Variants in UNC13C observed in about 807,000 individuals in gnomAD.
UNC13C encodes the protein protein unc-13 homolog C.
In UNC13C, 174 loss-of-function variants were observed where a neutral mutation model predicts 245.4. That is an observed-to-expected ratio of 0.71 (90% confidence interval 0.63 to 0.80). The LOEUF is 0.80. Ranked by LOEUF, UNC13C falls within the 30% of genes least tolerant of loss-of-function variation. UNC13C has a pLI of 0.00. For missense variants in UNC13C, 2,829 were observed against 2,602.9 expected, an observed-to-expected ratio of 1.09 and a Z score of -1.89; for synonymous variants, 992 against 895.1, an observed-to-expected ratio of 1.11 and a Z score of -1.93.
At chr15:54,454,620 A>G (rs944111599) in intron 19 of UNC13C, among the ~76,000 whole-genome samples, 1 of 150,946 alleles carries the variant, frequency 6.6e-6, no homozygotes, top group Non-Finnish European at 1.5e-5. Flanking sequence ...CAAGCCCCTG[A>G]TATCTTCTAT....
At chr15:53,923,960 A>C in the UNC13C span, among the ~76,000 whole-genome samples, 4 of 152,188 alleles carry the variant, frequency 2.6e-5, no homozygotes, top group African/African-American at 9.7e-5. Context: ...TAATCCCAGC[A>C]CTTTGGGAGG....
intron 4 of UNC13C, among the ~76,000 whole-genome samples, chr15:54,144,009 G>A (rs2032144883): frequency 6.6e-6 from 1 of 151,942 alleles, no homozygotes. Context: ...TACAATTAAT[G>A]CTCTCTTTCA....
intron 17 of UNC13C, among the ~76,000 whole-genome samples, chr15:54,352,302 AATT>A (rs2039000415): frequency 6.9e-6 from 1 of 145,412 alleles, no homozygotes; most frequent in Admixed American, 7.0e-5. Flanking sequence ...ATATTTATAT[AATT>A]AATATATATT....
chr15:54,450,425 C>T lies in UNC13C; in HGVS notation c.4933+35358C>T, dbSNP rs566730708. 1.6e-3 allele frequency among the ~76,000 whole-genome samples: 243 copies of T among 152,348 alleles called. 1 individual carries two copies. The highest frequency in any genetic ancestry group is 5.6e-3 in the African/African-American group (235 of 41,596). On this transcript the variant is annotated intron_variant, in intron 19 of 32. Coordinates refer to ENST00000260323, the MANE Select transcript of UNC13C (RefSeq NM_001080534.3). ...GAGCTGTGGTGGGCTCCACCCAGTTCCAGCTTCCTGGCTGCTTTGTTTACC... is the reference window on the plus strand; with the variant it reads ...GAGCTGTGGTGGGCTCCACCCAGTTTCAGCTTCCTGGCTGCTTTGTTTACC...
intron 2 of UNC13C, among the ~76,000 whole-genome samples, chr15:54,066,240 C>T (rs1898070293): frequency 1.3e-5 from 2 of 152,168 alleles, no homozygotes; most frequent in African/African-American, 4.8e-5. Flanking sequence ...ATAGCTAATG[C>T]TTTTCCTGTC....
chr15:54,132,979 A>G (rs2031520434), intron 2 of UNC13C, among the ~76,000 whole-genome samples: 1 of 152,210 alleles, frequency 6.6e-6, no homozygotes, highest in Non-Finnish European at 1.5e-5. Flanking sequence ...GAGGGAGAAA[A>G]TACAACATTT....
chr15:54,331,866 A>G (rs2038445178), intron 14 of UNC13C, among the ~76,000 whole-genome samples, 177 bp from the exon 15 acceptor site: 1 of 152,106 alleles, frequency 6.6e-6, no homozygotes, highest in Admixed American at 6.6e-5. Flanking sequence ...ATTTGGTGTC[A>G]AAGAGACCTG....
chr15:54,223,408 A>G (rs1265482846), intron 4 of UNC13C, among the ~76,000 whole-genome samples: 4 of 151,864 alleles, frequency 2.6e-5, no homozygotes, highest in African/African-American at 7.2e-5. Flanking sequence ...CTGTTGATAT[A>G]TGGATTTGTT....
At chr15:54,091,074 AG>A (rs1899546297) in intron 2 of UNC13C, among the ~76,000 whole-genome samples, 1 of 87,206 alleles carries the variant, frequency 1.1e-5, no homozygotes, top group Non-Finnish European at 2.3e-5. Flanking sequence ...GGGTGGGGGG[AG>A]GGGGGTTGCC....
chr15:54,263,131 A>G (rs2036468391), intron 8 of UNC13C, among the ~76,000 whole-genome samples: 1 of 152,206 alleles, frequency 6.6e-6, no homozygotes, highest in African/African-American at 2.4e-5. Flanking sequence ...AATACAAATT[A>G]GGCAAACTTA....
chr15:54,112,730 A>T (rs990553083), intron 2 of UNC13C, among the ~76,000 whole-genome samples: 2 of 152,212 alleles, frequency 1.3e-5, no homozygotes, highest in Non-Finnish European at 2.9e-5. Context: ...GGGAAACCTT[A>T]CTGAGGACTT....
At chr15:53,958,440 A>G in the UNC13C span, among the ~76,000 whole-genome samples, 2 of 152,122 alleles carry the variant, frequency 1.3e-5, no homozygotes, top group Non-Finnish European at 2.9e-5. Flanking sequence ...GGTCTTGAAG[A>G]CTTTGTGCTG....
intron 2 of UNC13C, among the ~76,000 whole-genome samples, chr15:54,042,607 A>T (rs544395396): frequency 6.6e-6 from 1 of 152,088 alleles, no homozygotes; most frequent in Non-Finnish European, 1.5e-5. Flanking sequence ...TAATCCCAGC[A>T]CTTTGGGAGG....
intron 2 of UNC13C, among the ~76,000 whole-genome samples, chr15:54,060,522 A>G (rs1333475066): frequency 6.6e-6 from 1 of 152,228 alleles, no homozygotes; most frequent in Non-Finnish European, 1.5e-5. Context: ...TGTTGGTGGG[A>G]CTGTAAACTA....
chr15:53,900,814 C>A, the UNC13C span, among the ~76,000 whole-genome samples: 1 of 152,154 alleles, frequency 6.6e-6, no homozygotes, highest in Non-Finnish European at 1.5e-5. Flanking sequence ...GCAATACTGA[C>A]TCATAAAATG....
chr15:53,961,274 G>T, the UNC13C span, among the ~76,000 whole-genome samples: 2 of 152,250 alleles, frequency 1.3e-5, no homozygotes, highest in African/African-American at 4.8e-5. Context: ...GAGCCTTGGT[G>T]CTCTTATTCC....
At chr15:54,280,271 A>T (rs931601050) in intron 10 of UNC13C, among the ~76,000 whole-genome samples, 2 of 152,092 alleles carry the variant, frequency 1.3e-5, no homozygotes, top group African/African-American at 4.8e-5. Context: ...ATAATGAAAT[A>T]CAATATACTT....
At chr15:53,937,428 T>C in the UNC13C span, among the ~76,000 whole-genome samples, 2 of 152,044 alleles carry the variant, frequency 1.3e-5, no homozygotes, top group African/African-American at 2.4e-5. Flanking sequence ...ATGAAAGAGA[T>C]GGAGAGGACA....
intron 4 of UNC13C, among the ~76,000 whole-genome samples, chr15:54,225,716 G>A (rs921984029): frequency 1.3e-5 from 2 of 152,180 alleles, no homozygotes; most frequent in South Asian, 2.1e-4. Context: ...GGGCTGACAA[G>A]ATGGGTTTTT....
Sources: gnomAD v4.1 joint callset for allele counts (sites outside exome capture counted in the v4.1 genomes callset) on GRCh38, gnomAD v4.1.1 for gene constraint, MANE v1.5 for transcripts, NCBI Gene and HGNC (gene_info 2026-07-23, HGNC 2026-07-21) for gene names.